The following MRPL48 variants were observed in gnomAD, a reference collection of about 807,000 sequenced individuals.
MRPL48 encodes mitochondrial ribosomal protein L48, also known as large ribosomal subunit protein mL48.
Under a neutral mutation model 32.9 loss-of-function variants are expected in MRPL48, and 16 were observed. That is an observed-to-expected ratio of 0.49 (90% CI 0.33 to 0.74). The LOEUF (loss-of-function observed/expected upper bound fraction) is 0.74, where lower values mean the gene tolerates loss of function less well. Ranked by LOEUF, MRPL48 falls within the 30% of genes least tolerant of loss-of-function variation. The probability of loss-of-function intolerance (pLI) is 0.02; values close to 1 mark genes in which losing one functional copy is unlikely to be tolerated. For missense variants in MRPL48, 206 were observed against 245.3 expected (o/e 0.84, Z 1.07); for synonymous variants, 94 against 89.2 (o/e 1.05, Z -0.31).
chr11:73,823,362 C>T (rs887135152), intron 3 of MRPL48, among the ~76,000 whole-genome samples: 3 of 152,144 alleles, frequency 2.0e-5, no homozygotes, highest in Admixed American at 2.0e-4. Flanking sequence ...ACTTGCTGCC[C>T]ATATCTTGAT....
chr11:73,825,606 A>G, intron 3 of MRPL48, 102 bp from the exon 4 acceptor site: 1 of 1,024,540 alleles, frequency 9.8e-7, no homozygotes, highest in South Asian at 1.5e-5. Context: ...ATGAGATGGC[A>G]TTACATCCCA....
At chr11:73,804,120 A>G (rs893978892) in intron 1 of MRPL48, among the ~76,000 whole-genome samples, 7 of 151,858 alleles carry the variant, frequency 4.6e-5, no homozygotes, top group Admixed American at 1.3e-4. Context: ...TGGTTTCACA[A>G]TCTTGGCCGG....
intron 1 of MRPL48, among the ~76,000 whole-genome samples, chr11:73,801,373 T>C (rs1442231420): frequency 6.6e-6 from 1 of 152,120 alleles, no homozygotes; most frequent in Non-Finnish European, 1.5e-5. Flanking sequence ...TAGCTAGTGG[T>C]TGGGGGAGCT....
intron 3 of MRPL48, among the ~76,000 whole-genome samples, chr11:73,818,154 T>C (rs143979234): frequency 0.01 from 1,562 of 152,174 alleles, 35 homozygotes; most frequent in Non-Finnish European, 0.012. Flanking sequence ...TGAATTACAA[T>C]GATGTTCAGA....
At chr11:73,838,244 T>A (rs530403936) in intron 4 of MRPL48, among the ~76,000 whole-genome samples, 1 of 152,218 alleles carries the variant, frequency 6.6e-6, no homozygotes, top group South Asian at 2.1e-4. Context: ...GTGAGAAAAA[T>A]TGTGTAGATA....
Position 73,851,160 on chromosome 11 carries a change from G to A in MRPL48, c.371+6184G>A, listed in dbSNP as rs1219898666. Reference sequence around the variant, plus strand: ...TCCTTATCACTTTGAGTAATTCCTGGAACTGGGCAAACTCCTCCCAGTTCA... The same window carrying A: ...TCCTTATCACTTTGAGTAATTCCTGAAACTGGGCAAACTCCTCCCAGTTCA... On this transcript the variant is annotated intron_variant, in intron 5 of 7. Coordinates refer to ENST00000310614, the MANE Select transcript of MRPL48 (RefSeq NM_016055.6). The A allele has an allele frequency of 8.0e-5, 35 of 438,402 alleles. 2 individuals carry two copies. Among genetic ancestry groups the A allele is most frequent in the South Asian group, 5.3e-4 (31 of 58,558 alleles). 27.2% of individuals were successfully genotyped at this position (438,402 alleles called of 1,614,324 possible).
chr11:73,815,144 C>T (rs894628165), intron 3 of MRPL48, among the ~76,000 whole-genome samples: 2 of 152,046 alleles, frequency 1.3e-5, no homozygotes, highest in South Asian at 2.1e-4. Flanking sequence ...GGCTAGGCGT[C>T]GTGTCTCATG....
intron 3 of MRPL48, among the ~76,000 whole-genome samples, chr11:73,813,452 G>GT (rs1347519879): frequency 6.6e-6 from 1 of 152,124 alleles, no homozygotes; most frequent in Non-Finnish European, 1.5e-5. Context: ...GGGATTACAG[G>GT]CGTGAGCCAC....
At chr11:73,824,959 G>C (rs745559090) in intron 3 of MRPL48, among the ~76,000 whole-genome samples, 1 of 152,064 alleles carries the variant, frequency 6.6e-6, no homozygotes, top group African/African-American at 2.4e-5. Flanking sequence ...ACCAACAAGA[G>C]GTCAGCTACC....
At chr11:73,799,186 T>C (rs988981068) in intron 1 of MRPL48, among the ~76,000 whole-genome samples, 18 of 151,700 alleles carry the variant, frequency 1.2e-4, no homozygotes, top group African/African-American at 4.1e-4. Context: ...CAAAACCCCA[T>C]CTCTACAAAG....
chr11:73,837,770 G>C (rs1442387109), intron 4 of MRPL48, among the ~76,000 whole-genome samples: 2 of 152,114 alleles, frequency 1.3e-5, no homozygotes, highest in Non-Finnish European at 2.9e-5. Flanking sequence ...TTCCTTTCCT[G>C]CCTGGCTGGC....
intron 5 of MRPL48, among the ~76,000 whole-genome samples, chr11:73,848,881 G>A (rs1046692534): frequency 3.3e-5 from 5 of 151,728 alleles, no homozygotes; most frequent in African/African-American, 7.3e-5. Context: ...GTGAAGTGGC[G>A]TGATCTCGGC....
chr11:73,808,183 G>A (rs1947494135), intron 2 of MRPL48, 130 bp from the exon 3 acceptor site: 1 of 920,398 alleles, frequency 1.1e-6, no homozygotes, highest in Non-Finnish European at 1.6e-6. Flanking sequence ...GTTTGTGGAA[G>A]GAAGAAAGGA....
chr11:73,809,552 T>A (rs928742321), intron 3 of MRPL48, among the ~76,000 whole-genome samples: 6 of 151,970 alleles, frequency 3.9e-5, no homozygotes, highest in African/African-American at 1.2e-4. Context: ...CAGCTGTAAT[T>A]ATTATTATTA....
chr11:73,795,522 T>G (rs1379906462), intron 1 of MRPL48, among the ~76,000 whole-genome samples: 2 of 152,002 alleles, frequency 1.3e-5, no homozygotes, highest in Non-Finnish European at 2.9e-5. Flanking sequence ...TCACTCTTTT[T>G]TTTTTTGAGA....
intron 4 of MRPL48, among the ~76,000 whole-genome samples, chr11:73,835,681 C>T (rs1298295088): frequency 6.6e-6 from 1 of 152,036 alleles, no homozygotes; most frequent in African/African-American, 2.4e-5. Flanking sequence ...GGTGGATCAC[C>T]TGAGTTCAGG....
intron 4 of MRPL48, among the ~76,000 whole-genome samples, chr11:73,834,989 A>G (rs1410819221): frequency 1.3e-5 from 2 of 150,648 alleles, no homozygotes. Flanking sequence ...ACGCCATCAC[A>G]CAGGGCTAAT....
At chr11:73,845,225 A>G in intron 5 of MRPL48, 1 of 323,058 alleles carries the variant, frequency 3.1e-6, no homozygotes, top group Non-Finnish European at 5.6e-6. Context: ...TTCTGGCCCT[A>G]TTGTTTTAAC....
At chr11:73,803,358 T>G (rs999206054) in intron 1 of MRPL48, among the ~76,000 whole-genome samples, 2 of 152,026 alleles carry the variant, frequency 1.3e-5, no homozygotes, top group Non-Finnish European at 2.9e-5. Flanking sequence ...CTTGAACTCC[T>G]GGCCTCAAGT....
Sources: gnomAD v4.1 joint callset for allele counts (sites outside exome capture counted in the v4.1 genomes callset) on GRCh38, gnomAD v4.1.1 for gene constraint, MANE v1.5 for transcripts, NCBI Gene and HGNC (gene_info 2026-07-23, HGNC 2026-07-21) for gene names.